Variants in MAP4K1 observed in about 807,000 individuals in gnomAD.
MAP4K1 encodes MAPK/ERK kinase kinase kinase 1.
Under a neutral mutation model 122.8 loss-of-function variants are expected in MAP4K1, and 35 were observed. The observed-to-expected ratio is 0.29, with a 90% CI of 0.22 to 0.38. The LOEUF (loss-of-function observed/expected upper bound fraction) is 0.38, where lower values mean the gene tolerates loss of function less well. Ranked by LOEUF, MAP4K1 falls within the 10% of genes least tolerant of loss-of-function variation. MAP4K1 has a pLI of 1.00. For missense variants in MAP4K1, 791 were observed against 1,072.6 expected (o/e 0.74, Z 3.67); for synonymous variants, 412 against 421.3 (o/e 0.98, Z 0.27).
chr19:38,598,761 C>G (rs184529967), intron 22 of MAP4K1, among the ~76,000 whole-genome samples: 60 of 152,264 alleles, frequency 3.9e-4, no homozygotes, highest in African/African-American at 1.4e-3. Flanking sequence ...CACCTGTAAT[C>G]CCAGCACTTT....
At chr19:38,601,071 G>A (rs1303849210) in intron 20 of MAP4K1, among the ~76,000 whole-genome samples, 1 of 152,016 alleles carries the variant, frequency 6.6e-6, no homozygotes, top group East Asian at 1.9e-4. Flanking sequence ...CTCCCAAAGT[G>A]CTGGGATTAC....
At chr19:38,599,241 G>A (rs1024236266) in intron 22 of MAP4K1, among the ~76,000 whole-genome samples, 9 of 150,080 alleles carry the variant, frequency 6.0e-5, no homozygotes, top group East Asian at 2.0e-4. Flanking sequence ...CCAGCTACTC[G>A]GGAGGCTGAG....
Position 38,597,504 on chromosome 19 carries a change from G to A in MAP4K1, c.1760C>T (p.Pro587Leu). 1 of 1,614,032 alleles carries A rather than the reference G, an allele frequency of 6.2e-7. No homozygotes were observed. Among genetic ancestry groups the A allele is most frequent in the Non-Finnish European group, 8.5e-7 (1 of 1,179,992 alleles). The change falls in exon 23 of 31, where the codon CCC (proline) becomes CTC (leucine). Residue 587 changes from proline (P) to leucine (L), a missense_variant. Physicochemically the swap from Pro to Leu is moderately conservative, Grantham distance 98 (BLOSUM62 -3). Coordinates refer to ENST00000396857, the MANE Select transcript of MAP4K1 (RefSeq NM_001042600.3). The surrounding 1 kb of genome is among the most constrained non-coding windows in gnomAD (Gnocchi z 4.6). ...CTGGTACCTTGCCAGTAGGCGGTGG[G>A]GGCTAATGTGAGCGATGGGGTTTCC... ...RAGNPIAHISPHRLLARKNMV... is the reference protein window; with the variant it reads ...RAGNPIAHISLHRLLARKNMV...
In MAP4K1 at chr19:38,608,131, G is replaced by A. The variant is rs371383209; in HGVS notation, c.1046C>T (p.Thr349Ile). Residue 349 changes from threonine to isoleucine, a missense_variant, in exon 14 of 31, where the codon ACC becomes ATC. Physicochemically the swap from Thr to Ile is moderately conservative, Grantham distance 89. Coordinates refer to ENST00000396857, the MANE Select transcript of MAP4K1 (RefSeq NM_001042600.3). The stretch of plus-strand genomic sequence containing the variant: ...TCTCACGGTGTTGGCTGGGGGTCTG[G>A]TCTCCATTCCTCGGAGCTTCCTGAA... ...MEFRKLRGME[T>I]RPPANTARLQ... 62 of 1,533,714 alleles carry A rather than the reference G, an allele frequency of 4.0e-5. No individual in the cohort carries two copies. The highest frequency in any genetic ancestry group is 5.2e-5 in the Non-Finnish European group (60 of 1,143,060).
At chr19:38,610,512 A>G (rs1160281064) in intron 11 of MAP4K1, among the ~76,000 whole-genome samples, 1 of 150,422 alleles carries the variant, frequency 6.6e-6, no homozygotes, top group African/African-American at 2.5e-5. Flanking sequence ...CAGCCTCCCA[A>G]GTAGCTGGGA....
intron 30 of MAP4K1, among the ~76,000 whole-genome samples, chr19:38,590,286 C>A (rs76503653): frequency 1 from 129,221 of 129,222 alleles, 64,610 homozygotes; most frequent in Middle Eastern, 1. Flanking sequence ...GTCAAAGCTC[C>A]TTTAAGACAA....
chr19:38,602,649 T>C (rs1480436571), intron 19 of MAP4K1, among the ~76,000 whole-genome samples: 2 of 137,812 alleles, frequency 1.5e-5, no homozygotes, highest in African/African-American at 2.8e-5. Context: ...CCTATACATA[T>C]ATACATATAT....
intron 4 of MAP4K1, chr19:38,614,881 CA>C (rs1219028689): frequency 7.2e-6 from 1 of 139,048 alleles, no homozygotes; most frequent in Non-Finnish European, 1.5e-5. Context: ...GAGATCGTAC[CA>C]CTGCACTCCA....
intron 26 of MAP4K1, 68 bp downstream of exon 26, chr19:38,596,243 GC>G: frequency 6.8e-7 from 1 of 1,473,562 alleles, no homozygotes. Flanking sequence ...GCTAAGCGAA[GC>G]CCCGCCTCCA....
intron 19 of MAP4K1, among the ~76,000 whole-genome samples, chr19:38,602,987 C>CATAT (rs200610119): frequency 2.4e-5 from 3 of 126,506 alleles, no homozygotes; most frequent in South Asian, 5.9e-4. Context: ...TACGCATATA[C>CATAT]ATATATACAT....
intron 22 of MAP4K1, among the ~76,000 whole-genome samples, chr19:38,598,220 G>A (rs1481011159): frequency 2.0e-5 from 3 of 151,856 alleles, no homozygotes; most frequent in South Asian, 2.1e-4. Context: ...TAGTAGAGAC[G>A]GGGTTTTACC....
intron 19 of MAP4K1, among the ~76,000 whole-genome samples, chr19:38,603,024 A>G: frequency 6.8e-6 from 1 of 147,640 alleles, no homozygotes; most frequent in East Asian, 2.1e-4. Context: ...ATATACATGT[A>G]TACATATATA....
At chr19:38,600,799 A>ATTTTTTT (rs560496607) in intron 20 of MAP4K1, among the ~76,000 whole-genome samples, 19 of 90,968 alleles carry the variant, frequency 2.1e-4, no homozygotes, top group Non-Finnish European at 2.8e-4. Flanking sequence ...CCCTCTACCC[A>ATTTTTTT]TTTTTTTTTT....
At chr19:38,603,684 T>A (rs1030637996) in intron 19 of MAP4K1, among the ~76,000 whole-genome samples, 3 of 152,022 alleles carry the variant, frequency 2.0e-5, no homozygotes, top group African/African-American at 4.8e-5. Flanking sequence ...AACATTTTTT[T>A]AAAAATTAGC....
rs1180944088 is a variant in MAP4K1, at chr19:38,593,305, A to G, written c.2373T>C (p.Thr791=). 1.1e-5 allele frequency: 17 copies of G among 1,612,388 alleles called. No individual in the cohort carries two copies. Among genetic ancestry groups the G allele is most frequent in the Non-Finnish European group, 1.4e-5 (16 of 1,179,190 alleles). Residue 791 remains threonine, a synonymous_variant, in exon 30 of 31, where the codon ACT becomes ACC. Coordinates refer to ENST00000396857, the MANE Select transcript of MAP4K1 (RefSeq NM_001042600.3). ...LLQELRDPTL[T]FRLLGSPRPV... ...ACCTGGGGGAGCCAAGCAGACGGAAAGTGAGGGTAGGGTCTCTCAGCTCCT... is the reference window on the plus strand; with the variant it reads ...ACCTGGGGGAGCCAAGCAGACGGAAGGTGAGGGTAGGGTCTCTCAGCTCCT...
At chr19:38,598,772 G>A (rs1423607323) in intron 22 of MAP4K1, among the ~76,000 whole-genome samples, 1 of 152,116 alleles carries the variant, frequency 6.6e-6, no homozygotes, top group African/African-American at 2.4e-5. Context: ...CCAGCACTTT[G>A]GGGGGCTGAG....
At position 38,595,214 on chromosome 19, in the gene MAP4K1, G is replaced by A. The variant is rs900287184; in HGVS notation, c.2340+271C>T. ...CGAGGCAGGAGAATCGCGTGAACCC[G>A]GGAGGTGGAGGTTGCAGTGAGCCGG... On this transcript the variant is annotated intron_variant, in intron 29 of 30. Transcript: ENST00000396857. Among the ~76,000 whole-genome samples the A allele has an allele frequency of 4.6e-5, 7 of 152,052 alleles. No homozygotes were observed. In the South Asian group the frequency reaches 1.0e-3, roughly 23 times the overall value.
intron 22 of MAP4K1, among the ~76,000 whole-genome samples, chr19:38,599,610 TGA>T (rs565378905): frequency 6.7e-4 from 102 of 151,832 alleles, no homozygotes; most frequent in Admixed American, 3.0e-3. Context: ...TGCCGTGAGC[TGA>T]GATTGTACCA....
intron 30 of MAP4K1, 120 bp from the exon 31 acceptor site, chr19:38,587,937 G>A: frequency 4.0e-6 from 3 of 752,590 alleles, no homozygotes; most frequent in Non-Finnish European, 4.7e-6. Flanking sequence ...CAGTGAATGG[G>A]CAGACACGGT....
Sources: allele counts gnomAD v4.1 joint callset (sites outside exome capture counted in the v4.1 genomes callset), GRCh38; gene constraint gnomAD v4.1.1; non-coding constraint Gnocchi (gnomAD v3.1); transcripts MANE v1.5; gene names NCBI Gene and HGNC (gene_info 2026-07-23, HGNC 2026-07-21).